BEST1: variants seen among roughly 807,000 people sequenced by gnomAD.
BEST1 encodes the protein bestrophin 1.
A neutral mutation model predicts 63.3 loss-of-function variants in BEST1; 58 were observed. The observed-to-expected ratio is 0.92, with a 90% CI of 0.74 to 1.14. The LOEUF (loss-of-function observed/expected upper bound fraction) is 1.14, where lower values mean the gene tolerates loss of function less well. Among genes scored for constraint, BEST1 ranks in the 50% most tolerant of loss-of-function variants. BEST1 has a pLI of 0.00. For missense variants in BEST1, 671 were observed against 740.1 expected (o/e 0.91, Z 1.08); for synonymous variants, 283 against 291.6 (o/e 0.97, Z 0.30).
chr11:61,964,075 T>TA (rs1268785940), intron 10 of BEST1, 29 bp from the exon 11 acceptor site: 1 of 1,613,708 alleles, frequency 6.2e-7, no homozygotes, highest in Admixed American at 1.7e-5. Context: ...CTTCCATACT[T>TA]ATGCTGTTAA....
rs747612440 is a variant in BEST1 at position 61,959,965 on chromosome 11, C to G, written c.1022C>G (p.Pro341Arg). The G allele has an allele frequency of 1.9e-6, 3 of 1,612,496 alleles. No homozygotes were observed. Among genetic ancestry groups the G allele is most frequent in the Non-Finnish European group, 2.5e-6 (3 of 1,179,456 alleles). ...GAGCCGGACATGTACTGGAATAAGCCCGAGCCACAGCCCCCCTACACAGCT... is the reference window on the plus strand; with the variant it reads ...GAGCCGGACATGTACTGGAATAAGCGCGAGCCACAGCCCCCCTACACAGCT... The part of the protein sequence containing the change: ...RMEPDMYWNK[P>R]EPQPPYTAAS... The change falls in exon 9 of 11, where the codon CCC (proline) becomes CGC (arginine). Residue 341 changes from proline (P) to arginine (R), a missense_variant. By Grantham distance (103) the Pro-to-Arg change is moderately radical. Transcript: ENST00000378043.
Position 61,951,657 on chromosome 11 carries a change from A to T in BEST1, c.-36-114A>T, listed in dbSNP as rs527569890. 13 of 1,080,508 alleles carry T rather than the reference A, an allele frequency of 1.2e-5. No individual in the cohort carries two copies. The Admixed American group carries it at 1.5e-4, about 13-fold the overall frequency. The allele number at this position is 1,080,508 out of a possible 1,614,324, so 66.9% of individuals were successfully genotyped here. A position where few individuals can be genotyped will look rare whatever the true frequency, so the allele number is the denominator to read the frequency against. ...CAGGGCCTTGGAGACCACTTCATCCACCTCCTAGGGTCCCTATGGGAGAGT... is the reference window on the plus strand; with the variant it reads ...CAGGGCCTTGGAGACCACTTCATCCTCCTCCTAGGGTCCCTATGGGAGAGT... On this transcript the variant is annotated intron_variant, in intron 1 of 10. Transcript: ENST00000378043.
rs1156493896 is a variant in BEST1 at position 61,952,101 on chromosome 11, C to G, written c.152+143C>G. ...TGAGCTCCTGACCAGGTCCTGGGCACTGGAGCTGAGGCTGGGGCTGGGGGC... is the reference window on the plus strand; with the variant it reads ...TGAGCTCCTGACCAGGTCCTGGGCAGTGGAGCTGAGGCTGGGGCTGGGGGC... On this transcript the variant is annotated intron_variant, in intron 2 of 10. Transcript: ENST00000378043. 109 of 1,075,526 alleles carry G rather than the reference C, an allele frequency of 1.0e-4. 1 individual carries two copies. The highest frequency in any genetic ancestry group is 1.4e-4 in the Non-Finnish European group (100 of 725,422). 66.6% of individuals were successfully genotyped at this position (1,075,526 alleles called of 1,614,324 possible). A position where few individuals can be genotyped will look rare whatever the true frequency, so the allele number is the denominator to read the frequency against.
chr11:61,957,547 AC>A, intron 6 of BEST1, 83 bp downstream of exon 6: 1 of 1,352,382 alleles, frequency 7.4e-7, no homozygotes, highest in Non-Finnish European at 1.1e-6. Context: ...GGAAGGGCTC[AC>A]CTAGAGGCTA....
downstream of BEST1, chr11:61,965,099 T>C: frequency 6.2e-7 from 1 of 1,605,506 alleles, no homozygotes; most frequent in Non-Finnish European, 8.5e-7. Context: ...CTCCCAGTCA[T>C]CACAGTCTGG....
In BEST1 at chr11:61,959,742, G is replaced by T. The variant is rs1203155888; in HGVS notation, c.949-150G>T. The T allele has an allele frequency of 2.2e-6, 3 of 1,336,276 alleles. No homozygotes were observed. The African/African-American group carries it at 4.4e-5, about 19-fold the overall frequency. 82.8% of individuals were successfully genotyped at this position (1,336,276 alleles called of 1,614,324 possible). On this transcript the variant is annotated intron_variant, in intron 8 of 10. Coordinates refer to ENST00000378043, the MANE Select transcript of BEST1 (RefSeq NM_004183.4). ...TCACAGGATTCTCACCTCAATCTTT[G>T]AGGCTGCAGGCAGGCACCCATCTCC...
chr11:61,956,957 G>A lies in BEST1; in HGVS notation c.595G>A (p.Gly199Ser). The stretch of plus-strand genomic sequence containing the variant: ...CCTGTCAATGAAGGCGTGGCTTGGA[G>A]GTCGAATCCGGGACCCTATCCTGCT... ...ANLSMKAWLG[G>S]RIRDPILLQS... is the part of the protein sequence containing the mutation. Residue 199 changes from glycine to serine, a missense_variant, in exon 5 of 11, where the codon GGT becomes AGT. Physicochemically the swap from Gly to Ser is moderately conservative, Grantham distance 56. Coordinates refer to ENST00000378043, the MANE Select transcript of BEST1 (RefSeq NM_004183.4). 1 of 1,614,170 alleles carries A rather than the reference G, an allele frequency of 6.2e-7. No individual in the cohort carries two copies.
At chr11:61,959,283 A>C in intron 7 of BEST1, 2 of 608,310 alleles carry the variant, frequency 3.3e-6, no homozygotes, top group East Asian at 2.8e-5. Context: ...TGTTCAGGGA[A>C]GGACTGGCTC....
At chr11:61,957,972 T>TCAAACAAACAAACAAA (rs71046754) in intron 6 of BEST1, among the ~76,000 whole-genome samples, 174 bp from the exon 7 acceptor site, 35 of 149,728 alleles carry the variant, frequency 2.3e-4, no homozygotes, top group South Asian at 4.3e-4. Flanking sequence ...AGACTCTGTC[T>TCAAACAAACAAACAAA]CAAACAAACA....
chr11:61,954,827 C>T (rs921828963), intron 2 of BEST1: 6 of 985,314 alleles, frequency 6.1e-6, no homozygotes, highest in African/African-American at 1.7e-5. Context: ...TGAAACTGGC[C>T]TCTGCAGCAG....
At chr11:61,956,052 C>CG (rs886574027) in intron 4 of BEST1, 101 bp downstream of exon 4, 11 of 1,210,256 alleles carry the variant, frequency 9.1e-6, no homozygotes, top group African/African-American at 3.0e-5. Context: ...CCCCCGGACT[C>CG]GGGGGATTGG....
intron 4 of BEST1, 48 bp downstream of exon 4, chr11:61,955,999 C>G (rs759886854): frequency 6.6e-7 from 1 of 1,504,024 alleles, no homozygotes; most frequent in South Asian, 1.2e-5. Context: ...AGCCAGGGGC[C>G]GAGATGGGCG....
intron 10 of BEST1, chr11:61,963,903 G>C: frequency 2.2e-6 from 3 of 1,373,418 alleles, no homozygotes; most frequent in Non-Finnish European, 2.9e-6. Context: ...AGGAGGTTGA[G>C]GGGAGAATTG....
intron 2 of BEST1, chr11:61,954,771 C>G: frequency 1.0e-6 from 1 of 983,900 alleles, no homozygotes; most frequent in Non-Finnish European, 1.2e-6. Flanking sequence ...TTTCGACCTG[C>G]TTTTAAACAA....
At chr11:61,955,340 T>A in intron 3 of BEST1, 139 bp downstream of exon 3, 1 of 1,531,208 alleles carries the variant, frequency 6.5e-7, no homozygotes, top group Non-Finnish European at 8.8e-7. Flanking sequence ...CGCCTCTCTG[T>A]AGGGAAAGGT....
chr11:61,957,344 G>A (rs1398713462), intron 5 of BEST1, 43 bp from the exon 6 acceptor site: 8 of 1,568,912 alleles, frequency 5.1e-6, no homozygotes, highest in Non-Finnish European at 5.3e-6. Context: ...CAGGGTGGGG[G>A]CAGGTGGTGT....
chr11:61,951,974 C>G lies in BEST1; in HGVS notation c.152+16C>G. 2 of 1,612,964 alleles carry G rather than the reference C, an allele frequency of 1.2e-6. No individual in the cohort carries two copies. Among genetic ancestry groups the G allele is most frequent in the Non-Finnish European group, 1.7e-6 (2 of 1,179,826 alleles). On this transcript the variant is annotated intron_variant, in intron 2 of 10. Coordinates refer to ENST00000378043, the MANE Select transcript of BEST1 (RefSeq NM_004183.4). ...TTATTTATAGGTAAAGCTGGCAGGG[C>G]TGGGCCGGGGGGCCTGGGAAGGATG...
Position 61,955,568 on chromosome 11 carries a change from C to T in BEST1, c.248-150C>T, listed in dbSNP as rs992428126. The T allele has an allele frequency of 6.7e-6, 7 of 1,041,000 alleles. No individual in the cohort carries two copies. In the African/African-American group the frequency reaches 1.1e-4, roughly 17 times the overall value. The allele number at this position is 1,041,000 out of a possible 1,614,324, so 64.5% of individuals were successfully genotyped here. ...CGCCTCCATGCGAGGCTCTGCCTGCCTCTCGCTCCCGAGCGCCTTCCAGGA... is the reference window on the plus strand; with the variant it reads ...CGCCTCCATGCGAGGCTCTGCCTGCTTCTCGCTCCCGAGCGCCTTCCAGGA... On this transcript the variant is annotated intron_variant, in intron 3 of 10. Coordinates refer to ENST00000378043, the MANE Select transcript of BEST1 (RefSeq NM_004183.4).
chr11:61,959,959 A>G lies in BEST1; in HGVS notation c.1016A>G (p.Asn339Ser), dbSNP rs1393643862. 1.2e-6 allele frequency: 2 copies of G among 1,612,774 alleles called. No individual in the cohort carries two copies. The highest frequency in any genetic ancestry group is 8.5e-7 in the Non-Finnish European group (1 of 1,179,542). ...CGGATGGAGCCGGACATGTACTGGA[A>G]TAAGCCCGAGCCACAGCCCCCCTAC... ...LPRMEPDMYW[N>S]KPEPQPPYTA... Residue 339 changes from asparagine to serine, a missense_variant, in exon 9 of 11, where the codon AAT becomes AGT. Transcript: ENST00000378043.
Sources: gnomAD v4.1 joint callset for allele counts (sites outside exome capture counted in the v4.1 genomes callset) on GRCh38, gnomAD v4.1.1 for gene constraint, MANE v1.5 for transcripts, NCBI Gene and HGNC (gene_info 2026-07-23, HGNC 2026-07-21) for gene names.